The following TIAM1 variants were observed in gnomAD, a reference collection of about 807,000 sequenced individuals.
The protein encoded by TIAM1 is TIAM Rac1 associated GEF 1.
Under a neutral mutation model 163.5 loss-of-function variants are expected in TIAM1, and 65 were observed. The observed-to-expected ratio is 0.40, with a 90% CI of 0.33 to 0.49. The LOEUF (loss-of-function observed/expected upper bound fraction) is 0.49. TIAM1 is among the 20% of genes least tolerant of loss of function. The pLI is 0.77. For missense variants in TIAM1, 1,789 were observed against 2,044.7 expected, an observed-to-expected ratio of 0.87 and a Z score of 2.41; for synonymous variants, 833 against 810.1, an observed-to-expected ratio of 1.03 and a Z score of -0.48.
At chr21:31,359,180 T>C (rs1412554608) in intron 2 of TIAM1, among the ~76,000 whole-genome samples, 1 of 152,202 alleles carries the variant, frequency 6.6e-6, no homozygotes, top group Non-Finnish European at 1.5e-5. Context: ...TTTTAAAATA[T>C]CATTTCCCAC....
At chr21:31,469,846 C>CA (rs10575349) in intron 1 of TIAM1, among the ~76,000 whole-genome samples, 9 of 150,350 alleles carry the variant, frequency 6.0e-5, no homozygotes, top group African/African-American at 1.5e-4. Context: ...AACAAACAAA[C>CA]AAAAAAAAAA....
chr21:31,195,092 CCA>C (rs2085778382), intron 13 of TIAM1, 130 bp downstream of exon 13: 1 of 617,552 alleles, frequency 1.6e-6, no homozygotes, highest in African/African-American at 1.9e-5. Flanking sequence ...TGGCTGCCCT[CCA>C]CAGAGCAGGA....
At chr21:31,525,650 G>A (rs981031088) in intron 1 of TIAM1, among the ~76,000 whole-genome samples, 14 of 152,288 alleles carry the variant, frequency 9.2e-5, no homozygotes, top group Non-Finnish European at 1.5e-4. Flanking sequence ...TTCAAACCCA[G>A]GCAGTCTGGC....
At chr21:31,485,545 C>T (rs905931826) in intron 1 of TIAM1, among the ~76,000 whole-genome samples, 1 of 152,176 alleles carries the variant, frequency 6.6e-6, no homozygotes, top group Non-Finnish European at 1.5e-5. Context: ...GATCAAAATT[C>T]AGACCTGGAA....
intron 2 of TIAM1, among the ~76,000 whole-genome samples, chr21:31,324,536 C>A (rs1218029696): frequency 6.6e-6 from 1 of 152,150 alleles, no homozygotes; most frequent in Non-Finnish European, 1.5e-5. Flanking sequence ...AATGAAGAAT[C>A]CAAAGCACAG....
chr21:31,327,916 C>A lies in TIAM1; in HGVS notation c.-189+11327G>T, dbSNP rs116787186. On this transcript the variant is annotated intron_variant, in intron 2 of 27. Transcript: ENST00000541036. Reference sequence around the variant, plus strand: ...GATCGTGTCTCCCTAGTCCTATCCACAACCCTCAAAGGCTTCCCATCTCAC... The same window carrying A: ...GATCGTGTCTCCCTAGTCCTATCCAAAACCCTCAAAGGCTTCCCATCTCAC... Among the ~76,000 whole-genome samples the A allele has an allele frequency of 3.7e-3, 564 of 152,210 alleles. 3 individuals are homozygous for A. Among genetic ancestry groups the A allele is most frequent in the African/African-American group, 0.013 (534 of 41,506 alleles).
chr21:31,451,297 G>C (rs1043755668), intron 2 of TIAM1, among the ~76,000 whole-genome samples: 2 of 152,154 alleles, frequency 1.3e-5, no homozygotes, highest in African/African-American at 4.8e-5. Context: ...GGACAGGAGG[G>C]CTTGGTGACT....
rs1338771078 is a variant in TIAM1, at chr21:31,281,272, T to C, written c.-188-4364A>G. Among the ~76,000 whole-genome samples the C allele has an allele frequency of 2.0e-5, 3 of 152,252 alleles. No homozygotes were observed. In the South Asian group the frequency reaches 6.2e-4, roughly 32 times the overall value. ...CTTCATAAATAAAGTGACTTTTGGA[T>C]AGTAAATTACCCATTCTGAAAACCA... On this transcript the variant is annotated intron_variant, in intron 2 of 27. Coordinates refer to ENST00000541036, the MANE Select transcript of TIAM1 (RefSeq NM_001353694.2).
chr21:31,471,921 C>T (rs1401076489), intron 1 of TIAM1, among the ~76,000 whole-genome samples: 3 of 149,516 alleles, frequency 2.0e-5, no homozygotes, highest in Admixed American at 2.0e-4. Context: ...GCAAGCCAGC[C>T]AGGCAATGCC....
chr21:31,327,911 A>G (rs950582711), intron 2 of TIAM1, among the ~76,000 whole-genome samples: 1 of 151,944 alleles, frequency 6.6e-6, no homozygotes, highest in Non-Finnish European at 1.5e-5. Context: ...CCCTAGTCCT[A>G]TCCACAACCC....
At chr21:31,466,064 C>G (rs1005119983) in intron 1 of TIAM1, among the ~76,000 whole-genome samples, 8 of 152,164 alleles carry the variant, frequency 5.3e-5, no homozygotes, top group African/African-American at 1.9e-4. Context: ...GGATCCCAAT[C>G]AATTCCAAGG....
chr21:31,438,127 A>G (rs1436253712), intron 2 of TIAM1, among the ~76,000 whole-genome samples: 3 of 148,650 alleles, frequency 2.0e-5, no homozygotes, highest in East Asian at 4.1e-4. Context: ...AGGTCCCAAG[A>G]CGTGACCATG....
At chr21:31,286,467 G>A (rs2073812978) in intron 2 of TIAM1, among the ~76,000 whole-genome samples, 1 of 152,066 alleles carries the variant, frequency 6.6e-6, no homozygotes, top group Non-Finnish European at 1.5e-5. Flanking sequence ...TAGCACTTTG[G>A]GAAGCCGAAA....
chr21:31,457,994 T>A lies in TIAM1; in HGVS notation c.-369+5989A>T, dbSNP rs191897366. Among the ~76,000 whole-genome samples, 31 of 152,178 alleles carry A rather than the reference T, an allele frequency of 2.0e-4. No individual in the cohort carries two copies. In the Middle Eastern group the frequency reaches 0.01, roughly 50 times the overall value. On this transcript the variant is annotated intron_variant, in intron 2 of 28. Transcript: ENST00000286827. ...ACTGAGAGATCCTGAGATAGGCAAG[T>A]CCCCTTGTTACCCAACTAAAACTGT...
upstream of TIAM1, among the ~76,000 whole-genome samples, chr21:31,349,004 A>T (rs576451189): frequency 6.6e-6 from 1 of 152,318 alleles, no homozygotes; most frequent in African/African-American, 2.4e-5. Context: ...ATAGCTTTTA[A>T]ACACCACCTC....
intron 3 of TIAM1, among the ~76,000 whole-genome samples, chr21:31,275,191 C>CGT (rs2073243918): frequency 6.6e-6 from 1 of 151,134 alleles, no homozygotes; most frequent in Non-Finnish European, 1.5e-5. Flanking sequence ...GATAAATCTG[C>CGT]GTAAGAATTT....
Position 31,327,622 on chromosome 21 carries a change from C to G in TIAM1, c.-189+11621G>C, listed in dbSNP as rs1323173056. Reference sequence around the variant, plus strand: ...TGCCACTGCACTCCAGCCTGGGCAACAGAGTGAAACGCCGCCATCTCAAAA... The same window carrying G: ...TGCCACTGCACTCCAGCCTGGGCAAGAGAGTGAAACGCCGCCATCTCAAAA... On this transcript the variant is annotated intron_variant, in intron 2 of 27. Coordinates refer to ENST00000541036, the MANE Select transcript of TIAM1 (RefSeq NM_001353694.2). 1.2e-4 allele frequency among the ~76,000 whole-genome samples: 12 copies of G among 101,410 alleles called. No homozygotes were observed. The Admixed American group carries it at 1.4e-3, about 12-fold the overall frequency. The allele number at this position is 101,410 out of a possible 152,430, so 66.5% of individuals were successfully genotyped here. A position where few individuals can be genotyped will look rare whatever the true frequency, so the allele number is the denominator to read the frequency against.
At chr21:31,260,372 G>T (rs563330404) in intron 4 of TIAM1, among the ~76,000 whole-genome samples, 145 of 151,354 alleles carry the variant, frequency 9.6e-4, no homozygotes, top group African/African-American at 3.3e-3. Context: ...CGAGTAGTTG[G>T]GATTACAGGC....
intron 1 of TIAM1, among the ~76,000 whole-genome samples, chr21:31,516,993 G>A (rs1412252436): frequency 6.9e-6 from 1 of 145,288 alleles, no homozygotes; most frequent in Non-Finnish European, 1.5e-5. Context: ...AAGTTGCAGT[G>A]AGCCAAGATC....
Sources: gnomAD v4.1 joint callset for allele counts (sites outside exome capture counted in the v4.1 genomes callset) on GRCh38, gnomAD v4.1.1 for gene constraint, MANE v1.5 for transcripts, NCBI Gene and HGNC (gene_info 2026-07-23, HGNC 2026-07-21) for gene names.